The following PTPRK variants were observed in gnomAD, a reference collection of about 807,000 sequenced individuals.
PTPRK encodes the protein protein tyrosine phosphatase receptor type K, also known as receptor-type tyrosine-protein phosphatase kappa.
In PTPRK, 75 loss-of-function variants were observed where a neutral mutation model predicts 178.0. That is an observed-to-expected ratio of 0.42 (90% CI 0.35 to 0.51). PTPRK has a LOEUF of 0.51. PTPRK is among the 20% of genes least tolerant of loss of function. The probability of loss-of-function intolerance (pLI) is 0.02; values close to 1 mark genes in which losing one functional copy is unlikely to be tolerated. For synonymous variants in PTPRK, 637 were observed against 620.6 expected (o/e 1.03, Z -0.39); for missense variants, 1,441 against 1,797.8 (o/e 0.80, Z 3.59).
intron 5 of PTPRK, among the ~76,000 whole-genome samples, chr6:128,227,127 C>T (rs1811488314): frequency 6.6e-6 from 1 of 152,052 alleles, no homozygotes; most frequent in Non-Finnish European, 1.5e-5. Flanking sequence ...CATGTATTTG[C>T]TACCTTAGAA....
intron 2 of PTPRK, among the ~76,000 whole-genome samples, chr6:128,378,482 CTT>C (rs1837422006): frequency 6.6e-6 from 1 of 151,854 alleles, no homozygotes; most frequent in African/African-American, 2.4e-5. Context: ...GGTTATGAGA[CTT>C]ATGTATAATT....
At chr6:128,288,354 TATA>T (rs1430870103) in intron 3 of PTPRK, among the ~76,000 whole-genome samples, 1 of 152,180 alleles carries the variant, frequency 6.6e-6, no homozygotes, top group East Asian at 1.9e-4. Context: ...ACGCTTTGGA[TATA>T]ATAATACAAA....
intron 4 of PTPRK, among the ~76,000 whole-genome samples, chr6:128,240,368 T>C (rs1454244741): frequency 6.6e-6 from 1 of 152,142 alleles, no homozygotes; most frequent in African/African-American, 2.4e-5. Context: ...TACTTACTGT[T>C]CCATAATTGC....
In PTPRK at chr6:128,436,400, T is replaced by A. The variant is rs139963134; in HGVS notation, c.101-38712A>T. Among the ~76,000 whole-genome samples the A allele has an allele frequency of 2.0e-3, 301 of 152,270 alleles. 1 individual carries two copies. The highest frequency in any genetic ancestry group is 7.0e-3 in the African/African-American group (293 of 41,564). ...CGGAGGAGGAATATTCAGAGACACA[T>A]ATAGTTTCTAAAGACAATTTTTGAC... On this transcript the variant is annotated intron_variant, in intron 1 of 29. Coordinates refer to ENST00000368226, the MANE Select transcript of PTPRK (RefSeq NM_002844.4).
chr6:128,188,982 A>AT (rs905573487), intron 6 of PTPRK, among the ~76,000 whole-genome samples: 13 of 152,036 alleles, frequency 8.6e-5, no homozygotes, highest in Non-Finnish European at 1.6e-4. Flanking sequence ...TGCAAACATC[A>AT]TTTTTCCATA....
chr6:128,428,074 A>T (rs567453640), intron 1 of PTPRK, among the ~76,000 whole-genome samples: 93 of 152,270 alleles, frequency 6.1e-4, no homozygotes, highest in African/African-American at 2.2e-3. Context: ...GCCTGGTGAC[A>T]GAGAGAGACT....
intron 2 of PTPRK, among the ~76,000 whole-genome samples, chr6:128,325,217 T>G (rs1446065859): frequency 6.6e-6 from 1 of 152,134 alleles, no homozygotes; most frequent in African/African-American, 2.4e-5. Flanking sequence ...TTTTTGTTTG[T>G]TTTAAGTGCA....
intron 1 of PTPRK, among the ~76,000 whole-genome samples, chr6:128,434,579 A>C (rs1181817736): frequency 6.6e-6 from 1 of 152,196 alleles, no homozygotes; most frequent in East Asian, 1.9e-4. Context: ...CTGAAGTGTT[A>C]AATGAGAGCA....
intron 3 of PTPRK, among the ~76,000 whole-genome samples, chr6:128,302,799 T>A (rs1318975237): frequency 6.6e-6 from 1 of 152,172 alleles, no homozygotes; most frequent in East Asian, 1.9e-4. Context: ...TAGCTCCTTC[T>A]CACTTCTGTC....
chr6:128,238,185 C>CAAAAAAAAAAAAAAAAAAAAAAAAAA, intron 5 of PTPRK: 5 of 203,780 alleles, frequency 2.5e-5, no homozygotes, highest in Non-Finnish European at 3.7e-5. Flanking sequence ...TAGCAAACGC[C>CAAAAAAAAAAAAAAAAAAAAAAAAAA]AAAAAAAAAA....
chr6:128,511,506 C>T (rs930035101), intron 1 of PTPRK, among the ~76,000 whole-genome samples: 8 of 152,120 alleles, frequency 5.3e-5, no homozygotes, highest in South Asian at 2.1e-4. Context: ...GGATCTTGTT[C>T]GGTGGGAGCT....
chr6:128,338,470 C>A (rs1445877889), intron 2 of PTPRK, among the ~76,000 whole-genome samples: 1 of 152,140 alleles, frequency 6.6e-6, no homozygotes, highest in Non-Finnish European at 1.5e-5. Flanking sequence ...AAGATGAGTT[C>A]AAGTTCTTCA....
At chr6:128,173,158 G>A (rs190451988) in intron 7 of PTPRK, among the ~76,000 whole-genome samples, 20 of 152,076 alleles carry the variant, frequency 1.3e-4, no homozygotes, top group African/African-American at 4.8e-4. Context: ...CCATTCTGGG[G>A]AACAATTAAA....
chr6:128,124,559 TA>T (rs1466246678), intron 7 of PTPRK, among the ~76,000 whole-genome samples: 2 of 152,060 alleles, frequency 1.3e-5, no homozygotes, highest in African/African-American at 4.8e-5. Flanking sequence ...TCATGGCCCT[TA>T]AAAAACTCTC....
At chr6:128,189,903 C>T (rs755497700) in intron 6 of PTPRK, among the ~76,000 whole-genome samples, 5 of 152,122 alleles carry the variant, frequency 3.3e-5, no homozygotes, top group Non-Finnish European at 5.9e-5. Context: ...CCATCTAATT[C>T]AGGCATTTAT....
chr6:128,140,943 T>C (rs964208358), intron 7 of PTPRK, among the ~76,000 whole-genome samples: 2 of 151,986 alleles, frequency 1.3e-5, no homozygotes, highest in African/African-American at 2.4e-5. Flanking sequence ...TTCAGTACCA[T>C]GTATAAGGGA....
intron 7 of PTPRK, among the ~76,000 whole-genome samples, chr6:128,116,462 A>G (rs535631258): frequency 6.6e-6 from 1 of 152,320 alleles, no homozygotes; most frequent in East Asian, 1.9e-4. Flanking sequence ...GTCTTCACAA[A>G]ATTTTTTCAA....
chr6:128,109,723 T>G (rs769218791), intron 7 of PTPRK, among the ~76,000 whole-genome samples: 1 of 152,192 alleles, frequency 6.6e-6, no homozygotes, highest in Non-Finnish European at 1.5e-5. Context: ...ATTGACTTTT[T>G]CACCATTTTC....
At chr6:128,346,452 T>C (rs2128334743) in intron 2 of PTPRK, among the ~76,000 whole-genome samples, 1 of 152,212 alleles carries the variant, frequency 6.6e-6, no homozygotes. Flanking sequence ...CAATTTTCTA[T>C]AGTATGATAA....
Sources: allele counts gnomAD v4.1 joint callset (sites outside exome capture counted in the v4.1 genomes callset), GRCh38; gene constraint gnomAD v4.1.1; transcripts MANE v1.5; gene names NCBI Gene and HGNC (gene_info 2026-07-23, HGNC 2026-07-21).